ANKRD11: variants seen among roughly 807,000 people sequenced by gnomAD.
The protein encoded by ANKRD11 is ankyrin repeat domain-containing protein 11.
A neutral mutation model predicts 195.7 loss-of-function variants in ANKRD11; 17 were observed. The ratio of observed to expected loss-of-function variants is 0.09; its 90% confidence interval spans 0.06 to 0.13. The LOEUF is 0.13. ANKRD11 is among the 10% of genes least tolerant of loss of function. ANKRD11 has a pLI of 1.00. For synonymous variants in ANKRD11, 1,953 were observed against 1,528.1 expected (o/e 1.28, Z -6.49); for missense variants, 3,735 against 3,566.1 (o/e 1.05, Z -1.21).
Position 89,279,754 on chromosome 16 carries a change from G to C in ANKRD11, c.6788C>G (p.Pro2263Arg). 1 of 1,524,618 alleles carries C rather than the reference G, an allele frequency of 6.6e-7. No individual in the cohort carries two copies. Among genetic ancestry groups the C allele is most frequent in the Non-Finnish European group, 8.8e-7 (1 of 1,139,246 alleles). The allele number at this position is 1,524,618 out of a possible 1,614,324, so 94.4% of individuals were successfully genotyped here. A position where few individuals can be genotyped will look rare whatever the true frequency, so the allele number is the denominator to read the frequency against. The stretch of plus-strand genomic sequence containing the variant: ...AGGGGCACAGAGGGACGCGGCGGGG[G>C]GGCCTTCAGCCTCAGCCCCCTGGTC... ...SGDQGAEAEG[P>R]PAASLCAPDG... The change falls in exon 9 of 13, where the codon CCC becomes CGC. Residue 2263 changes from proline to arginine, a missense_variant. Physicochemically the swap from Pro to Arg is moderately radical, Grantham distance 103 (BLOSUM62 -2). Coordinates refer to ENST00000301030, the MANE Select transcript of ANKRD11 (RefSeq NM_013275.6). The surrounding 1 kb of genome is among the most constrained non-coding windows in gnomAD (Gnocchi z 5.6).
Position 89,283,474 on chromosome 16 carries a change from G to T in ANKRD11, c.3068C>A (p.Thr1023Lys), listed in dbSNP as rs771640733. 1 of 1,614,028 alleles carries T rather than the reference G, an allele frequency of 6.2e-7. No individual in the cohort carries two copies. ...TTTCTCTTTGTATCTTTCTGGTTTT[G>T]TCTTCTCCTTCCTTTCCTTATCGGG... Reference protein sequence around the residue: ...DGPDKERKEKTKPERYKEKSS... With the variant: ...DGPDKERKEKKKPERYKEKSS... The change falls in exon 9 of 13, where the codon ACA (threonine) becomes AAA (lysine). Residue 1023 changes from threonine (T) to lysine (K), a missense_variant. Coordinates refer to ENST00000301030, the MANE Select transcript of ANKRD11 (RefSeq NM_013275.6). The surrounding 1 kb of genome is among the most constrained non-coding windows in gnomAD (Gnocchi z 4.3).
intron 2 of ANKRD11, among the ~76,000 whole-genome samples, chr16:89,381,565 A>G (rs1444615357): frequency 6.6e-6 from 1 of 152,184 alleles, no homozygotes; most frequent in Non-Finnish European, 1.5e-5. Context: ...TAATTATCCA[A>G]ACAAGTAACT....
chr16:89,488,448 C>G (rs545868310), intron 1 of ANKRD11, among the ~76,000 whole-genome samples: 3 of 151,682 alleles, frequency 2.0e-5, no homozygotes, highest in South Asian at 4.2e-4. Flanking sequence ...CCGCCCCCCC[C>G]CCTTTTTTTC....
chr16:89,352,633 G>T (rs995941853), intron 2 of ANKRD11, among the ~76,000 whole-genome samples: 12 of 152,150 alleles, frequency 7.9e-5, no homozygotes, highest in African/African-American at 2.9e-4. Flanking sequence ...AAGGGTAAAA[G>T]CTCTGTCCGC....
intron 4 of ANKRD11, among the ~76,000 whole-genome samples, chr16:89,296,661 C>G (rs1000397454): frequency 6.6e-6 from 1 of 152,246 alleles, no homozygotes; most frequent in African/African-American, 2.4e-5. Context: ...GGGGCTGACC[C>G]CTGCTGACCC....
intron 1 of ANKRD11, among the ~76,000 whole-genome samples, chr16:89,469,357 G>A (rs2056992334): frequency 6.6e-6 from 1 of 152,032 alleles, no homozygotes; most frequent in Non-Finnish European, 1.5e-5. Flanking sequence ...GAGCAGCTGG[G>A]AATAGAGGCA....
intron 1 of ANKRD11, among the ~76,000 whole-genome samples, chr16:89,481,409 A>G (rs1217246436): frequency 7.2e-5 from 11 of 152,222 alleles, no homozygotes; most frequent in African/African-American, 2.6e-4. Flanking sequence ...TTCTACAAAG[A>G]ATTTTTAAAA....
intron 2 of ANKRD11, among the ~76,000 whole-genome samples, chr16:89,383,266 C>G (rs1008852804): frequency 2.0e-5 from 3 of 152,230 alleles, no homozygotes; most frequent in Admixed American, 1.3e-4. Context: ...ATAACCGGCT[C>G]TGCCAGAAGC....
intron 1 of ANKRD11, among the ~76,000 whole-genome samples, chr16:89,469,742 C>A (rs2057007267): frequency 6.7e-6 from 1 of 148,454 alleles, no homozygotes; most frequent in East Asian, 2.2e-4. Context: ...ACTAAAAATG[C>A]AAAAAAAATA....
At chr16:89,444,781 TATAA>T (rs2043707347) in intron 1 of ANKRD11, among the ~76,000 whole-genome samples, 1 of 151,864 alleles carries the variant, frequency 6.6e-6, no homozygotes, top group Non-Finnish European at 1.5e-5. Flanking sequence ...CCGTCTCTGT[TATAA>T]ATAAATAAAT....
chr16:89,387,178 T>A (rs958121728), intron 2 of ANKRD11, among the ~76,000 whole-genome samples: 1 of 150,410 alleles, frequency 6.6e-6, no homozygotes, highest in Admixed American at 6.6e-5. Flanking sequence ...GAAGGCCCAC[T>A]AAGGACACTG....
chr16:89,367,414 C>A (rs2039995384), intron 2 of ANKRD11, among the ~76,000 whole-genome samples: 1 of 152,200 alleles, frequency 6.6e-6, no homozygotes, highest in Admixed American at 6.5e-5. Flanking sequence ...GCAACCTTAG[C>A]CGGCAACTCA....
intron 4 of ANKRD11, chr16:89,298,236 C>G (rs200042101): frequency 6.6e-6 from 1 of 152,298 alleles, no homozygotes; most frequent in Admixed American, 6.5e-5. Context: ...CCAAACAGAA[C>G]GGTTTCCCAC....
At chr16:89,415,840 A>AAAC (rs1420239750) in intron 2 of ANKRD11, among the ~76,000 whole-genome samples, 10 of 144,192 alleles carry the variant, frequency 6.9e-5, no homozygotes, top group African/African-American at 2.6e-4. Context: ...AAAAAAAAAA[A>AAAC]AAAAAAAAAA....
At chr16:89,419,416 G>A (rs2042425779) in intron 1 of ANKRD11, among the ~76,000 whole-genome samples, 1 of 150,288 alleles carries the variant, frequency 6.7e-6, no homozygotes, top group Non-Finnish European at 1.5e-5. Context: ...CTGCACCACT[G>A]CACTCCAGCC....
chr16:89,418,471 C>T (rs1278646142), intron 1 of ANKRD11, 103 bp from the exon 2 acceptor site: 7 of 343,104 alleles, frequency 2.0e-5, no homozygotes, highest in Non-Finnish European at 3.0e-5. Context: ...TTTATTCCAT[C>T]GCCCTTCCTC....
At chr16:89,468,008 T>C (rs1347529361) in intron 1 of ANKRD11, among the ~76,000 whole-genome samples, 1 of 152,124 alleles carries the variant, frequency 6.6e-6, no homozygotes, top group Non-Finnish European at 1.5e-5. Flanking sequence ...TTGGTTATGT[T>C]GGCCAGGCTG....
At chr16:89,396,022 A>C (rs146061035) in intron 2 of ANKRD11, 110 of 152,364 alleles carry the variant, frequency 7.2e-4, no homozygotes, top group African/African-American at 2.5e-3. Flanking sequence ...ACCGACATGC[A>C]AACTCTGGTT....
rs756007149 is a variant in ANKRD11, at chr16:89,285,471, C to G, written c.1071G>C (p.Arg357Ser). The change falls in exon 9 of 13, where the codon AGG (arginine) becomes AGC (serine). Residue 357 changes from arginine to serine, a missense_variant. Transcript: ENST00000301030. The surrounding 1 kb of genome is among the most constrained non-coding windows in gnomAD (Gnocchi z 5.6). ...YEFDEDDEQDRVPPVDDKHLL... is the reference protein window; with the variant it reads ...YEFDEDDEQDSVPPVDDKHLL... ...GGTGCTTGTCGTCCACCGGAGGAAC[C>G]CTGTCCTGCTCGTCGTCCTCATCAA... The G allele has an allele frequency of 1.9e-6, 3 of 1,614,164 alleles. No individual in the cohort carries two copies. The highest frequency in any genetic ancestry group is 1.7e-5 in the Admixed American group (1 of 60,016).
Sources: allele counts gnomAD v4.1 joint callset (sites outside exome capture counted in the v4.1 genomes callset), GRCh38; gene constraint gnomAD v4.1.1; non-coding constraint Gnocchi (gnomAD v3.1); transcripts MANE v1.5; gene names NCBI Gene and HGNC (gene_info 2026-07-23, HGNC 2026-07-21).